The following SNTG1 variants were observed in gnomAD, a reference collection of about 807,000 sequenced individuals.
SNTG1 encodes gamma-1-syntrophin.
A neutral mutation model predicts 74.7 loss-of-function variants in SNTG1; 39 were observed. That is an observed-to-expected ratio of 0.52 (90% confidence interval 0.40 to 0.68). SNTG1 has a LOEUF of 0.68. Among genes scored for constraint, SNTG1 ranks in the 30% least tolerant of loss-of-function variants. The pLI, the probability that SNTG1 is intolerant of heterozygous loss-of-function variation, is 0.00. For missense variants in SNTG1, 685 were observed against 609.5 expected (o/e 1.12, Z -1.30); for synonymous variants, 254 against 217.1 (o/e 1.17, Z -1.49).
At chr8:50,773,049 T>C (rs1246189471) in intron 18 of SNTG1, among the ~76,000 whole-genome samples, 3 of 152,092 alleles carry the variant, frequency 2.0e-5, no homozygotes, top group African/African-American at 4.8e-5. Context: ...ACCTCTTTTT[T>C]CTGTAAGTTA....
intron 1 of SNTG1, among the ~76,000 whole-genome samples, chr8:49,953,097 T>C (rs1809867488): frequency 6.6e-6 from 1 of 152,180 alleles, no homozygotes; most frequent in Non-Finnish European, 1.5e-5. Context: ...GAGATTTATA[T>C]TTATAAGAAT....
intron 2 of SNTG1, among the ~76,000 whole-genome samples, chr8:50,364,193 C>G (rs185514056): frequency 2.6e-4 from 40 of 152,230 alleles, no homozygotes; most frequent in Admixed American, 4.6e-4. Flanking sequence ...AGTTCCAGTC[C>G]CTTAATCCAT....
At chr8:50,638,474 T>G (rs1490414164) in intron 13 of SNTG1, among the ~76,000 whole-genome samples, 3 of 152,058 alleles carry the variant, frequency 2.0e-5, no homozygotes, top group Non-Finnish European at 4.4e-5. Context: ...TCTGCTATGG[T>G]TGAGTGAAAA....
intron 18 of SNTG1, among the ~76,000 whole-genome samples, chr8:50,791,630 C>T (rs572683601): frequency 2.0e-5 from 3 of 151,924 alleles, no homozygotes; most frequent in Admixed American, 1.3e-4. Flanking sequence ...GTTGTAAACA[C>T]AGTCATGTAC....
intron 9 of SNTG1, among the ~76,000 whole-genome samples, chr8:50,523,192 T>C (rs1339396509): frequency 6.6e-6 from 1 of 152,184 alleles, no homozygotes; most frequent in Non-Finnish European, 1.5e-5. Context: ...AGATTTGGCT[T>C]AAGGGAATGC....
intron 1 of SNTG1, among the ~76,000 whole-genome samples, chr8:50,167,239 A>T (rs1260068476): frequency 2.0e-5 from 3 of 148,546 alleles, no homozygotes; most frequent in South Asian, 4.3e-4. Flanking sequence ...AACCTGCACA[A>T]TGTGCACATG....
intron 11 of SNTG1, among the ~76,000 whole-genome samples, chr8:50,552,563 C>A (rs572669948): frequency 6.6e-6 from 1 of 152,244 alleles, no homozygotes; most frequent in South Asian, 2.1e-4. Context: ...GGGTGGAGAA[C>A]AATGGACAAA....
intron 2 of SNTG1, among the ~76,000 whole-genome samples, chr8:50,229,762 C>T (rs948896615): frequency 2.2e-4 from 34 of 151,454 alleles, no homozygotes; most frequent in African/African-American, 8.0e-4. Flanking sequence ...ATTATCCATC[C>T]AGTGGCAAGA....
chr8:50,365,547 G>T (rs2131103436), intron 2 of SNTG1, among the ~76,000 whole-genome samples: 1 of 152,142 alleles, frequency 6.6e-6, no homozygotes, highest in South Asian at 2.1e-4. Context: ...ATTTAGGAAA[G>T]AATTGTATAA....
At chr8:50,293,536 A>T (rs1444347027) in intron 2 of SNTG1, among the ~76,000 whole-genome samples, 1 of 151,474 alleles carries the variant, frequency 6.6e-6, no homozygotes, top group African/African-American at 2.4e-5. Context: ...CAGCCTCCCG[A>T]GTGGCTGGGA....
intron 1 of SNTG1, among the ~76,000 whole-genome samples, chr8:49,994,417 G>A (rs1392249356): frequency 7.7e-5 from 9 of 116,990 alleles, no homozygotes; most frequent in East Asian, 3.3e-4. Flanking sequence ...CACCATGCCC[G>A]GCTATTTTTT....
chr8:49,942,382 T>C (rs1000980814), intron 1 of SNTG1, among the ~76,000 whole-genome samples: 11 of 152,290 alleles, frequency 7.2e-5, no homozygotes, highest in African/African-American at 2.6e-4. Context: ...GCACACAGAG[T>C]TCTCAAACAC....
At chr8:50,337,640 A>G (rs1219438488) in intron 2 of SNTG1, among the ~76,000 whole-genome samples, 2 of 152,098 alleles carry the variant, frequency 1.3e-5, no homozygotes, top group African/African-American at 2.4e-5. Context: ...TTCCTGTCTC[A>G]CCTATGGGAG....
At chr8:50,366,268 C>G (rs2092106158) in intron 2 of SNTG1, among the ~76,000 whole-genome samples, 1 of 152,148 alleles carries the variant, frequency 6.6e-6, no homozygotes, top group South Asian at 2.1e-4. Context: ...CTAAATCAAT[C>G]AGTATCAGGA....
intron 2 of SNTG1, among the ~76,000 whole-genome samples, chr8:50,180,886 G>A (rs11786703): frequency 0.28 from 41,662 of 149,808 alleles, 5,792 homozygotes; most frequent in Middle Eastern, 0.41. Flanking sequence ...TCAGCCTCCC[G>A]AGTAGCTGGG....
rs148864743 is a variant in SNTG1 at position 50,066,810 on chromosome 8, G to A, written c.-102-105751G>A. ...TCCCTCTGCACGTTGACTTTGTACC[G>A]TTATATCTGTCGAACTAGCTAGTCA... is the stretch of plus-strand genomic sequence containing the variant. On this transcript the variant is annotated intron_variant, in intron 1 of 18. Coordinates refer to ENST00000642720, the MANE Select transcript of SNTG1 (RefSeq NM_018967.5). 1.2e-4 allele frequency among the ~76,000 whole-genome samples: 19 copies of A among 152,196 alleles called. No homozygotes were observed. In the East Asian group the frequency reaches 2.7e-3, roughly 22 times the overall value.
At chr8:50,374,986 T>C (rs2092346580) in intron 2 of SNTG1, among the ~76,000 whole-genome samples, 1 of 152,184 alleles carries the variant, frequency 6.6e-6, no homozygotes, top group Non-Finnish European at 1.5e-5. Flanking sequence ...TAATGTGTCC[T>C]GGATAAGGAA....
At chr8:49,911,030 G>T (rs1252020501), upstream of SNTG1, 1 of 152,194 alleles carries the variant, frequency 6.6e-6, no homozygotes, top group Admixed American at 6.5e-5. Flanking sequence ...ATCCAATTCA[G>T]CAGCGTTTTA....
chr8:49,954,710 T>G (rs1810006487), intron 1 of SNTG1, among the ~76,000 whole-genome samples: 1 of 152,154 alleles, frequency 6.6e-6, no homozygotes, highest in African/African-American at 2.4e-5. Context: ...TTCATTATTA[T>G]AAGTCCAGAG....
Sources: allele counts gnomAD v4.1 joint callset (sites outside exome capture counted in the v4.1 genomes callset), GRCh38; gene constraint gnomAD v4.1.1; transcripts MANE v1.5; gene names NCBI Gene and HGNC (gene_info 2026-07-23, HGNC 2026-07-21).